Variants in CMSS1 observed in about 807,000 individuals in gnomAD.
The protein encoded by CMSS1 is protein CMSS1.
CMSS1 carries 33 observed loss-of-function variants against 43.5 expected under a neutral mutation model. The ratio of observed to expected loss-of-function variants is 0.76; its 90% CI spans 0.57 to 1.01. The LOEUF (loss-of-function observed/expected upper bound fraction) is 1.01, where lower values mean the gene tolerates loss of function less well. Among genes scored for constraint, CMSS1 ranks in the 50% least tolerant of loss-of-function variants. CMSS1 has a pLI of 0.00. For synonymous variants in CMSS1, 115 were observed against 117.2 expected (o/e 0.98, Z 0.12); for missense variants, 313 against 326.4 (o/e 0.96, Z 0.32).
intron 1 of CMSS1, chr3:100,041,224 A>G (rs1480251323): frequency 6.6e-6 from 1 of 152,154 alleles, no homozygotes; most frequent in African/African-American, 2.4e-5. Flanking sequence ...GGAATCTACA[A>G]AATGGCCTAC....
intron 1 of CMSS1, among the ~76,000 whole-genome samples, chr3:99,889,111 T>G (rs758047823): frequency 6.6e-6 from 1 of 152,168 alleles, no homozygotes. Context: ...GTTTTCTGTA[T>G]ATAAATAAAG....
chr3:99,870,259 G>A (rs1175510193), intron 1 of CMSS1, among the ~76,000 whole-genome samples: 1 of 152,146 alleles, frequency 6.6e-6, no homozygotes, highest in Non-Finnish European at 1.5e-5. Context: ...GTAGAACTCT[G>A]ATTTATCCAC....
chr3:99,842,893 G>A (rs1310704911), intron 1 of CMSS1, among the ~76,000 whole-genome samples: 1 of 152,126 alleles, frequency 6.6e-6, no homozygotes, highest in Non-Finnish European at 1.5e-5. Context: ...CAGTTAACTC[G>A]CTAGACTCCC....
chr3:100,102,240 G>A lies in CMSS1; in HGVS notation c.65-44733G>A, dbSNP rs535695278. ...GAACTAGTTTACAGTCCCATCAACA[G>A]TGTAAAAGTGTTCCTATTTCTCCAC... On this transcript the variant is annotated intron_variant, in intron 1 of 9. Coordinates refer to ENST00000421999, the MANE Select transcript of CMSS1 (RefSeq NM_032359.4). 3.9e-4 allele frequency among the ~76,000 whole-genome samples: 59 copies of A among 152,312 alleles called. No homozygotes were observed. In the South Asian group the frequency reaches 0.012, roughly 30 times the overall value.
chr3:99,842,425 A>G (rs1210784711), intron 1 of CMSS1, among the ~76,000 whole-genome samples: 4 of 151,990 alleles, frequency 2.6e-5, no homozygotes, highest in African/African-American at 9.7e-5. Context: ...CTCAGAAGTC[A>G]GCACTAAAGA....
chr3:99,838,493 A>G (rs951571787), intron 1 of CMSS1, among the ~76,000 whole-genome samples: 3 of 152,220 alleles, frequency 2.0e-5, no homozygotes, highest in Non-Finnish European at 1.5e-5. Flanking sequence ...AAAGCCCTGC[A>G]TATGTTTAGG....
At chr3:99,930,670 T>C in intron 1 of CMSS1, 1 of 1,315,366 alleles carries the variant, frequency 7.6e-7, no homozygotes, top group Non-Finnish European at 1.1e-6. Flanking sequence ...TACACACATG[T>C]ATGAACCACA....
chr3:100,040,088 A>G (rs1208999004), intron 1 of CMSS1: 1 of 152,038 alleles, frequency 6.6e-6, no homozygotes, highest in Admixed American at 6.6e-5. Context: ...ATCTACCTGC[A>G]TTTTATAATT....
chr3:100,147,272 T>C (rs994166524), intron 2 of CMSS1, among the ~76,000 whole-genome samples: 3 of 146,790 alleles, frequency 2.0e-5, no homozygotes, highest in African/African-American at 5.0e-5. Flanking sequence ...TTTCTTTTTT[T>C]TTTTTTTTTT....
chr3:99,964,231 A>G (rs1708579453), intron 1 of CMSS1: 1 of 152,198 alleles, frequency 6.6e-6, no homozygotes, highest in South Asian at 2.1e-4. Flanking sequence ...TTATTTATCA[A>G]TATTTATCTT....
intron 1 of CMSS1, among the ~76,000 whole-genome samples, chr3:100,086,597 T>C (rs940466738): frequency 6.6e-6 from 1 of 152,236 alleles, no homozygotes; most frequent in Admixed American, 6.5e-5. Context: ...CAGGCTAACG[T>C]CCAAAATATG....
Position 99,929,599 on chromosome 3 carries a change from C to T in CMSS1, c.64+111556C>T, listed in dbSNP as rs900539627. On this transcript the variant is annotated intron_variant, in intron 1 of 9. Transcript: ENST00000421999. Reference sequence around the variant, plus strand: ...GTGTGTGTATGTGCCTGCACATGCACGTGAGAGTGGGGAGCATTCTCTGGC... The same window carrying T: ...GTGTGTGTATGTGCCTGCACATGCATGTGAGAGTGGGGAGCATTCTCTGGC... Among the ~76,000 whole-genome samples, 6 of 151,738 alleles carry T rather than the reference C, an allele frequency of 4.0e-5. No homozygotes were observed. In the South Asian group the frequency reaches 6.2e-4, roughly 16 times the overall value.
At chr3:99,992,504 T>C (rs1709553620) in intron 1 of CMSS1, among the ~76,000 whole-genome samples, 1 of 152,130 alleles carries the variant, frequency 6.6e-6, no homozygotes, top group Non-Finnish European at 1.5e-5. Context: ...TACTTTTAAA[T>C]GGGGTTATTT....
chr3:99,853,210 G>A (rs1943791667), intron 1 of CMSS1, among the ~76,000 whole-genome samples: 1 of 152,162 alleles, frequency 6.6e-6, no homozygotes, highest in South Asian at 2.1e-4. Flanking sequence ...AAAAAACTTT[G>A]GCAAAGTGCT....
intron 1 of CMSS1, chr3:99,850,721 G>A: frequency 6.2e-7 from 1 of 1,614,174 alleles, no homozygotes; most frequent in Non-Finnish European, 8.5e-7. Context: ...TGGCGATTTT[G>A]ACTGTCCTCA....
At chr3:100,040,896 T>C (rs898977704) in intron 1 of CMSS1, 1 of 152,122 alleles carries the variant, frequency 6.6e-6, no homozygotes, top group Non-Finnish European at 1.5e-5. Context: ...TTTGAAAAAA[T>C]GGTTTCTTTG....
chr3:99,847,943 A>G (rs1943441502), intron 1 of CMSS1: 1 of 1,004,740 alleles, frequency 1.0e-6, no homozygotes, highest in Non-Finnish European at 1.2e-6. Context: ...ATAACAAATT[A>G]TTTACTGTTT....
At chr3:100,020,665 T>C (rs1157903145) in intron 1 of CMSS1, among the ~76,000 whole-genome samples, 1 of 152,182 alleles carries the variant, frequency 6.6e-6, no homozygotes, top group Non-Finnish European at 1.5e-5. Flanking sequence ...AAAAAGTGTT[T>C]ATTTTTAGTG....
chr3:99,964,386 G>A (rs972744384), intron 1 of CMSS1: 1 of 149,816 alleles, frequency 6.7e-6, no homozygotes, highest in Admixed American at 6.6e-5. Context: ...CATATGCCTT[G>A]TACTGGGCTA....
Sources: allele counts gnomAD v4.1 joint callset (sites outside exome capture counted in the v4.1 genomes callset), GRCh38; gene constraint gnomAD v4.1.1; transcripts MANE v1.5; gene names NCBI Gene and HGNC (gene_info 2026-07-23, HGNC 2026-07-21).